Variants in CISD2 observed in about 807,000 individuals in gnomAD.
CISD2 encodes the protein CDGSH iron sulfur domain 2, also known as CDGSH iron-sulfur domain-containing protein 2.
In CISD2, 1 loss-of-function variant was observed where a neutral mutation model predicts 12.9. The observed-to-expected ratio is 0.08, with a 90% CI of 0.03 to 0.37. The LOEUF (loss-of-function observed/expected upper bound fraction) is 0.37, where lower values mean the gene tolerates loss of function less well. Among genes scored for constraint, CISD2 ranks in the 10% least tolerant of loss-of-function variants. The pLI is 0.99. For synonymous variants in CISD2, 50 were observed against 60.6 expected (o/e 0.83, Z 0.81); for missense variants, 97 against 163.1 (o/e 0.59, Z 2.21).
At chr4:102,869,430 C>T in intron 1 of CISD2, 1 of 707,530 alleles carries the variant, frequency 1.4e-6, no homozygotes, top group Non-Finnish European at 2.6e-6. Context: ...CATTCCGTGG[C>T]AAGATACCAG....
intron 1 of CISD2, among the ~76,000 whole-genome samples, chr4:102,870,853 T>C (rs999149094): frequency 6.6e-6 from 1 of 152,234 alleles, no homozygotes; most frequent in African/African-American, 2.4e-5. Context: ...TAACCATTCA[T>C]TCCCTTACAA....
intron 1 of CISD2, chr4:102,874,360 G>C (rs1349632428): frequency 6.6e-6 from 1 of 152,162 alleles, no homozygotes; most frequent in African/African-American, 2.4e-5. Context: ...AAGGGTTGAA[G>C]ACTATTGGGT....
intron 1 of CISD2, among the ~76,000 whole-genome samples, chr4:102,877,580 G>A (rs72933563): frequency 2.0e-3 from 311 of 152,294 alleles, no homozygotes; most frequent in African/African-American, 7.1e-3. Context: ...GCAGGTAGCC[G>A]CCTTCTCATG....
At chr4:102,873,684 T>G (rs1449729358) in intron 1 of CISD2, among the ~76,000 whole-genome samples, 1 of 139,076 alleles carries the variant, frequency 7.2e-6, no homozygotes, top group Admixed American at 8.0e-5. Flanking sequence ...ATTGCTTGAG[T>G]CGTGGCACTA....
At chr4:102,882,556 CT>C (rs1733748463) in intron 1 of CISD2, among the ~76,000 whole-genome samples, 1 of 152,100 alleles carries the variant, frequency 6.6e-6, no homozygotes, top group Non-Finnish European at 1.5e-5. Context: ...AGCCAATGAT[CT>C]ATAGTAGCAT....
At chr4:102,878,814 C>T (rs1035749068) in intron 1 of CISD2, among the ~76,000 whole-genome samples, 7 of 152,186 alleles carry the variant, frequency 4.6e-5, no homozygotes, top group African/African-American at 1.7e-4. Context: ...TCCACATTTT[C>T]AGGTATCTTT....
In CISD2 at chr4:102,889,049, A is replaced by G. The variant is rs1348451766; in HGVS notation, c.*1619A>G. ...GTATGTACCAGACACTACACTAAGCATGGTACTTGGGTTTTTAATTTATTA... is the reference window on the plus strand; with the variant it reads ...GTATGTACCAGACACTACACTAAGCGTGGTACTTGGGTTTTTAATTTATTA... On this transcript the variant is annotated 3_prime_UTR_variant, in exon 3 of 3. Transcript: ENST00000273986. The G allele has an allele frequency of 6.6e-6, 1 of 152,264 alleles. No individual in the cohort carries two copies. The highest frequency in any genetic ancestry group is 1.5e-5 in the Non-Finnish European group (1 of 68,048). The allele number at this position is 152,264 out of a possible 1,614,324, so 9.4% of individuals were successfully genotyped here. A position where few individuals can be genotyped will look rare whatever the true frequency, so the allele number is the denominator to read the frequency against.
At position 102,869,205 on chromosome 4, in the gene CISD2, G is replaced by A. The variant is rs1482740365; in HGVS notation, c.103+18G>A. The stretch of plus-strand genomic sequence containing the variant: ...GCTCACAGGTAATCCTCCCCCATCA[G>A]CCAGTCCCCATCCTTGCACGTTCGC... On this transcript the variant is annotated intron_variant, in intron 1 of 2. Transcript: ENST00000273986. The A allele has an allele frequency of 1.9e-6, 3 of 1,592,508 alleles. No individual in the cohort carries two copies. Among genetic ancestry groups the A allele is most frequent in the East Asian group, 4.6e-5 (2 of 43,804 alleles).
intron 1 of CISD2, among the ~76,000 whole-genome samples, chr4:102,872,048 G>C (rs147301487): frequency 9.9e-5 from 15 of 152,216 alleles, no homozygotes; most frequent in African/African-American, 3.6e-4. Flanking sequence ...ATAAATTACT[G>C]TGATTATCTA....
At chr4:102,875,185 T>G (rs1733565094) in intron 1 of CISD2, among the ~76,000 whole-genome samples, 1 of 152,266 alleles carries the variant, frequency 6.6e-6, no homozygotes, top group Non-Finnish European at 1.5e-5. Flanking sequence ...TGCAGCTTCC[T>G]CTGCATGGAA....
Position 102,869,723 on chromosome 4 carries a change from A to T in CISD2, c.103+536A>T, listed in dbSNP as rs556452761. Among the ~76,000 whole-genome samples the T allele has an allele frequency of 5.3e-4, 80 of 152,220 alleles. 1 individual carries two copies. The highest frequency in any genetic ancestry group is 1.3e-3 in the African/African-American group (55 of 41,524). ...CCTCCATTCCCTCAGGTTAGAATTG[A>T]CCTATCATAGGTGGCATTTGAGGTC... On this transcript the variant is annotated intron_variant, in intron 1 of 2. Coordinates refer to ENST00000273986, the MANE Select transcript of CISD2 (RefSeq NM_001008388.5).
intron 1 of CISD2, among the ~76,000 whole-genome samples, chr4:102,871,760 T>C (rs1733455202): frequency 6.6e-6 from 1 of 152,224 alleles, no homozygotes; most frequent in Admixed American, 6.5e-5. Flanking sequence ...AGCAATTGTT[T>C]AAAATGTCTA....
rs1578307088 is a variant in CISD2 at position 102,868,992 on chromosome 4, A to C, written c.-93A>C. ...GCCCGCCGCCCAGGCCGAGGCCGCC[A>C]GTGCCCGCCGGCCGCTTCCGCTCCC... is the stretch of plus-strand genomic sequence containing the variant. On this transcript the variant is annotated 5_prime_UTR_variant, in exon 1 of 3. Transcript: ENST00000273986. The C allele has an allele frequency of 8.5e-6, 12 of 1,415,410 alleles. No individual in the cohort carries two copies. The East Asian group carries it at 3.6e-4, about 42-fold the overall frequency. 87.7% of individuals were successfully genotyped at this position (1,415,410 alleles called of 1,614,324 possible).
chr4:102,873,652 C>G (rs913680246), intron 1 of CISD2, among the ~76,000 whole-genome samples: 2 of 141,830 alleles, frequency 1.4e-5, no homozygotes, highest in Non-Finnish European at 3.0e-5. Flanking sequence ...TAGTGGGATA[C>G]GTGGAAGGCT....
intron 1 of CISD2, chr4:102,869,435 T>TA (rs1272162675): frequency 1.4e-6 from 1 of 706,160 alleles, no homozygotes; most frequent in Non-Finnish European, 2.6e-6. Context: ...CGTGGCAAGA[T>TA]ACCAGGTTTT....
At chr4:102,885,947 G>A (rs1733888895) in intron 2 of CISD2, among the ~76,000 whole-genome samples, 1 of 152,140 alleles carries the variant, frequency 6.6e-6, no homozygotes, top group Admixed American at 6.5e-5. Context: ...TTTAATGTGG[G>A]AAGGAGTTTG....
chr4:102,885,115 T>C, intron 1 of CISD2, 101 bp from the exon 2 acceptor site: 1 of 942,806 alleles, frequency 1.1e-6, no homozygotes, highest in Non-Finnish European at 1.7e-6. Context: ...AAGGAATTAA[T>C]GTAAAAAGTA....
intron 1 of CISD2, among the ~76,000 whole-genome samples, chr4:102,879,869 A>G (rs1463879829): frequency 6.6e-6 from 1 of 152,232 alleles, no homozygotes; most frequent in Non-Finnish European, 1.5e-5. Context: ...CAGACGTTAT[A>G]TAGACACTGG....
intron 1 of CISD2, among the ~76,000 whole-genome samples, chr4:102,872,272 G>A (rs1216198335): frequency 6.6e-6 from 1 of 152,122 alleles, no homozygotes; most frequent in Admixed American, 6.6e-5. Context: ...GTTTCACCAT[G>A]TTGGCCAGTC....
Sources: allele counts gnomAD v4.1 joint callset (sites outside exome capture counted in the v4.1 genomes callset), GRCh38; gene constraint gnomAD v4.1.1; transcripts MANE v1.5; gene names NCBI Gene and HGNC (gene_info 2026-07-23, HGNC 2026-07-21).